Variants in ZFP3 observed in about 807,000 individuals in gnomAD.
The protein encoded by ZFP3 is zinc finger protein 3 homolog.
In ZFP3, 18 loss-of-function variants were observed where a neutral mutation model predicts 36.7. The ratio of observed to expected loss-of-function variants is 0.49; its 90% CI spans 0.34 to 0.73. The LOEUF (loss-of-function observed/expected upper bound fraction) is 0.73, where lower values mean the gene tolerates loss of function less well. Among genes scored for constraint, ZFP3 ranks in the 30% least tolerant of loss-of-function variants. ZFP3 has a pLI of 0.01. For synonymous variants in ZFP3, 218 were observed against 199.0 expected, an observed-to-expected ratio of 1.10 and a Z score of -0.81; for missense variants, 495 against 599.0, an observed-to-expected ratio of 0.83 and a Z score of 1.81.
In ZFP3 at chr17:5,096,087, T is replaced by G. The variant is rs975441837; in HGVS notation, c.*3074T>G. ...ATCTCAGGAAGATTTCTCTTTTCCT[T>G]CTGTTTGCCTCCCTCTTCGACTTAC... is the stretch of plus-strand genomic sequence containing the variant. On this transcript the variant is annotated 3_prime_UTR_variant, in exon 2 of 2. Transcript: ENST00000318833. The G allele has an allele frequency of 1.8e-5, 3 of 167,030 alleles. No homozygotes were observed. The highest frequency in any genetic ancestry group is 6.5e-5 in the Admixed American group (1 of 15,284). 10.3% of individuals were successfully genotyped at this position (167,030 alleles called of 1,614,324 possible).
intron 1 of ZFP3, among the ~76,000 whole-genome samples, chr17:5,089,364 A>G (rs1315558573): frequency 6.6e-6 from 1 of 152,158 alleles, no homozygotes; most frequent in Admixed American, 6.6e-5. Flanking sequence ...ACAGCATGGA[A>G]GACAAGATGG....
At chr17:5,091,029 G>C (rs1442577105) in intron 1 of ZFP3, among the ~76,000 whole-genome samples, 1 of 151,898 alleles carries the variant, frequency 6.6e-6, no homozygotes, top group Non-Finnish European at 1.5e-5. Flanking sequence ...ATTTTCCCTA[G>C]ATGTTTTCTT....
rs757086988 is a variant in ZFP3 at position 5,091,484 on chromosome 17, T to G, written c.-8-13T>G. Reference sequence around the variant, plus strand: ...GATACGGTCCCTTCACATACTTACCTCTCTCATTTCAGATTGTGAGATGGG... The same window carrying G: ...GATACGGTCCCTTCACATACTTACCGCTCTCATTTCAGATTGTGAGATGGG... On this transcript the variant is annotated splice_polypyrimidine_tract_variant and intron_variant, in intron 1 of 1. Transcript: ENST00000318833. The G allele has an allele frequency of 5.0e-6, 8 of 1,609,432 alleles. No homozygotes were observed. The South Asian group carries it at 8.8e-5, about 18-fold the overall frequency.
At chr17:5,086,506 T>C (rs2072121458) in intron 1 of ZFP3, among the ~76,000 whole-genome samples, 1 of 152,096 alleles carries the variant, frequency 6.6e-6, no homozygotes, top group African/African-American at 2.4e-5. Context: ...TTCCTTCTAA[T>C]ATAAACATGT....
chr17:5,085,643 T>G (rs746647402), intron 1 of ZFP3, among the ~76,000 whole-genome samples: 1 of 152,168 alleles, frequency 6.6e-6, no homozygotes, highest in Non-Finnish European at 1.5e-5. Context: ...GCTGGGATTA[T>G]AGGTGTGAGC....
At chr17:5,088,320 A>G (rs1280862741) in intron 1 of ZFP3, among the ~76,000 whole-genome samples, 1 of 152,012 alleles carries the variant, frequency 6.6e-6, no homozygotes, top group Non-Finnish European at 1.5e-5. Flanking sequence ...CTCCAGTCAC[A>G]CACCAAGTCT....
Position 5,091,521 on chromosome 17 carries a change from A to C in ZFP3, c.17A>C (p.Lys6Thr), listed in dbSNP as rs1188724816. ...GATTGTGAGATGGGGACTGAGAACA[A>C]GGAGGTGATTCCCAAGGAAGAAATT... MGTEN[K>T]EVIPKEEISE... Residue 6 changes from lysine (K) to threonine (T), a missense_variant, in exon 2 of 2, where the codon AAG (lysine) becomes ACG (threonine). Coordinates refer to ENST00000318833, the MANE Select transcript of ZFP3 (RefSeq NM_153018.3). The C allele has an allele frequency of 6.2e-7, 1 of 1,613,916 alleles. No homozygotes were observed. Among genetic ancestry groups the C allele is most frequent in the Non-Finnish European group, 8.5e-7 (1 of 1,179,948 alleles).
At chr17:5,082,566 C>T (rs2072099729) in intron 1 of ZFP3, among the ~76,000 whole-genome samples, 1 of 152,108 alleles carries the variant, frequency 6.6e-6, no homozygotes, top group Non-Finnish European at 1.5e-5. Flanking sequence ...CTTATTCTGT[C>T]ACCCAGGCTG....
chr17:5,088,926 T>G (rs1451913230), intron 1 of ZFP3, among the ~76,000 whole-genome samples: 1 of 152,210 alleles, frequency 6.6e-6, no homozygotes, highest in Non-Finnish European at 1.5e-5. Context: ...CCTTCCACAG[T>G]GAACACTTTC....
chr17:5,089,122 A>G (rs1356840826), intron 1 of ZFP3, among the ~76,000 whole-genome samples: 1 of 152,164 alleles, frequency 6.6e-6, no homozygotes, highest in Non-Finnish European at 1.5e-5. Context: ...TTTTATTAGG[A>G]ATAGGTTTGG....
intron 1 of ZFP3, among the ~76,000 whole-genome samples, chr17:5,084,567 G>A (rs960359744): frequency 6.6e-6 from 1 of 151,992 alleles, no homozygotes; most frequent in African/African-American, 2.4e-5. Flanking sequence ...GAGCCACCGC[G>A]CCCGGCCTGA....
Position 5,096,336 on chromosome 17 carries a change from A to G in ZFP3, c.*3323A>G, listed in dbSNP as rs2072181616. 6.0e-6 allele frequency: 1 copy of G among 166,736 alleles called. No individual in the cohort carries two copies. Among genetic ancestry groups the G allele is most frequent in the African/African-American group, 2.4e-5 (1 of 41,440 alleles). The allele number at this position is 166,736 out of a possible 1,614,324, so 10.3% of individuals were successfully genotyped here. A position where few individuals can be genotyped will look rare whatever the true frequency, so the allele number is the denominator to read the frequency against. ...TCCCTAATTTTAATGGTATACTAAC[A>G]CCTTAGGTAAATAAAATATTTCTTT... is the stretch of plus-strand genomic sequence containing the variant. On this transcript the variant is annotated 3_prime_UTR_variant, in exon 2 of 2. Coordinates refer to ENST00000318833, the MANE Select transcript of ZFP3 (RefSeq NM_153018.3).
Position 5,092,544 on chromosome 17 carries a change from G to A in ZFP3, c.1040G>A (p.Gly347Asp), listed in dbSNP as rs1354620768. 1.2e-6 allele frequency: 2 copies of A among 1,613,974 alleles called. No homozygotes were observed. Among genetic ancestry groups the A allele is most frequent in the African/African-American group, 2.7e-5 (2 of 74,914 alleles). Residue 347 changes from glycine (G) to aspartate (D), a missense_variant, in exon 2 of 2, where the codon GGC (glycine) becomes GAC (aspartate). This residue lies in a region of ZFP3 where 103 missense variants were observed against 186.8 expected (regional missense o/e 0.55). Transcript: ENST00000318833. The surrounding 1 kb of genome is among the most constrained non-coding windows in gnomAD (Gnocchi z 5.0). The part of the protein sequence containing the change: ...YECNECGKTF[G>D]QNSEIIRHIR... ...TGTAATGAATGTGGGAAAACTTTTGGCCAGAACTCAGAGATTATTAGACAT... is the reference window on the plus strand; with the variant it reads ...TGTAATGAATGTGGGAAAACTTTTGACCAGAACTCAGAGATTATTAGACAT...
intron 1 of ZFP3, among the ~76,000 whole-genome samples, chr17:5,081,061 A>G (rs1360298110): frequency 2.0e-5 from 3 of 150,438 alleles, no homozygotes; most frequent in African/African-American, 2.4e-5. Context: ...TGCATGCTAC[A>G]TTGAAATCCC....
intron 1 of ZFP3, among the ~76,000 whole-genome samples, chr17:5,084,522 G>A (rs1253427282): frequency 6.6e-6 from 1 of 150,408 alleles, no homozygotes; most frequent in Middle Eastern, 3.2e-3. Context: ...TGATCCGCCC[G>A]CCTCGGCCTC....
At chr17:5,085,676 G>T (rs913551643) in intron 1 of ZFP3, among the ~76,000 whole-genome samples, 1 of 152,142 alleles carries the variant, frequency 6.6e-6, no homozygotes, top group African/African-American at 2.4e-5. Context: ...CCCTGAATTT[G>T]AGTTTTAAAC....
chr17:5,088,727 C>T (rs1335383718), intron 1 of ZFP3, among the ~76,000 whole-genome samples: 1 of 152,182 alleles, frequency 6.6e-6, no homozygotes, highest in African/African-American at 2.4e-5. Flanking sequence ...GAATTACAGG[C>T]GTGAGCCACC....
intron 1 of ZFP3, among the ~76,000 whole-genome samples, chr17:5,083,483 G>A (rs2072104409): frequency 6.6e-6 from 1 of 150,662 alleles, no homozygotes; most frequent in South Asian, 2.1e-4. Flanking sequence ...CTTGAACCCG[G>A]AAGGTGGAGC....
At chr17:5,085,778 G>T (rs773176740) in intron 1 of ZFP3, among the ~76,000 whole-genome samples, 1 of 151,686 alleles carries the variant, frequency 6.6e-6, no homozygotes, top group Non-Finnish European at 1.5e-5. Flanking sequence ...ATTTATCGTG[G>T]TACACGTGTC....
Sources: allele counts gnomAD v4.1 joint callset (sites outside exome capture counted in the v4.1 genomes callset), GRCh38; gene constraint gnomAD v4.1.1; regional missense constraint gnomAD v4.1.1; non-coding constraint Gnocchi (gnomAD v3.1); transcripts MANE v1.5; gene names NCBI Gene and HGNC (gene_info 2026-07-23, HGNC 2026-07-21).